The following CCDC6 variants were observed in gnomAD, a reference collection of about 807,000 sequenced individuals.
CCDC6 encodes coiled-coil domain containing 6, also known as coiled-coil domain-containing protein 6.
Under a neutral mutation model 56.6 loss-of-function variants are expected in CCDC6, and 20 were observed. The ratio of observed to expected loss-of-function variants is 0.35; its 90% CI spans 0.25 to 0.51. CCDC6 has a LOEUF of 0.51. Ranked by LOEUF, CCDC6 falls within the 20% of genes least tolerant of loss-of-function variation. The probability of loss-of-function intolerance (pLI) is 0.95; values close to 1 mark genes in which losing one functional copy is unlikely to be tolerated. For synonymous variants in CCDC6, 241 were observed against 234.4 expected (o/e 1.03, Z -0.26); for missense variants, 367 against 601.1 (o/e 0.61, Z 4.07).
chr10:59,807,133 TA>T (rs1020401058), intron 5 of CCDC6, 55 bp from the exon 6 acceptor site: 61 of 1,521,236 alleles, frequency 4.0e-5, no homozygotes, highest in Non-Finnish European at 4.8e-5. Flanking sequence ...TATCCAAATC[TA>T]AAAAAAAGGA....
At chr10:59,892,942 G>T (rs1294533151) in intron 1 of CCDC6, among the ~76,000 whole-genome samples, 1 of 152,152 alleles carries the variant, frequency 6.6e-6, no homozygotes, top group East Asian at 1.9e-4. Context: ...GGAAGGGGGT[G>T]GGGCCGCCCA....
chr10:59,848,157 G>A (rs940050890), intron 2 of CCDC6, among the ~76,000 whole-genome samples: 1 of 152,146 alleles, frequency 6.6e-6, no homozygotes, highest in Non-Finnish European at 1.5e-5. Context: ...ACCCAGAACT[G>A]CCAAGACAGG....
At chr10:59,815,768 T>C (rs776034258) in intron 3 of CCDC6, among the ~76,000 whole-genome samples, 4 of 152,224 alleles carry the variant, frequency 2.6e-5, no homozygotes, top group Non-Finnish European at 5.9e-5. Context: ...CTTTCAATGG[T>C]TGAGTCAACA....
chr10:59,875,567 A>G lies in CCDC6; in HGVS notation c.304-22865T>C, dbSNP rs527641414. 5.3e-5 allele frequency among the ~76,000 whole-genome samples: 8 copies of G among 152,364 alleles called. No individual in the cohort carries two copies. In the South Asian group the frequency reaches 1.4e-3, roughly 28 times the overall value. On this transcript the variant is annotated intron_variant, in intron 1 of 8. Coordinates refer to ENST00000263102, the MANE Select transcript of CCDC6 (RefSeq NM_005436.5). Reference sequence around the variant, plus strand: ...ACCTCAAGCACTAGCAGTTCATCTTAAAGTTGCTGATCTGTTGAAAACTAC... The same window carrying G: ...ACCTCAAGCACTAGCAGTTCATCTTGAAGTTGCTGATCTGTTGAAAACTAC...
At chr10:59,881,893 C>T (rs1178346070) in intron 1 of CCDC6, among the ~76,000 whole-genome samples, 1 of 152,168 alleles carries the variant, frequency 6.6e-6, no homozygotes, top group Non-Finnish European at 1.5e-5. Flanking sequence ...ACACTGAATA[C>T]TTACGAATAC....
intron 3 of CCDC6, among the ~76,000 whole-genome samples, chr10:59,824,581 A>T (rs1173171044): frequency 7.9e-5 from 12 of 152,166 alleles, no homozygotes; most frequent in African/African-American, 2.7e-4. Context: ...TCTCCAATAG[A>T]GCTTATCTAA....
At chr10:59,866,358 A>C (rs2071176945) in intron 1 of CCDC6, among the ~76,000 whole-genome samples, 1 of 152,258 alleles carries the variant, frequency 6.6e-6, no homozygotes, top group Non-Finnish European at 1.5e-5. Flanking sequence ...AAGCATTTTT[A>C]TCTACTACAG....
At chr10:59,835,924 G>A (rs994355083) in intron 2 of CCDC6, among the ~76,000 whole-genome samples, 19 of 151,774 alleles carry the variant, frequency 1.3e-4, no homozygotes, top group Admixed American at 9.9e-4. Flanking sequence ...ACGGTGGTGC[G>A]CGCACCTGTA....
chr10:59,892,309 A>G, intron 1 of CCDC6, among the ~76,000 whole-genome samples: 1 of 152,174 alleles, frequency 6.6e-6, no homozygotes, highest in East Asian at 1.9e-4. Flanking sequence ...ATAGGGAAAA[A>G]AACCAGATCT....
In CCDC6 at chr10:59,859,199, CGTGTGTGTGTGTGTGTGTGTGTGT is replaced by C. The variant is rs66648240; in HGVS notation, c.304-6521_304-6498del. ...CTGGAAAAAAAAATACATGTGTGTG[CGTGTGTGTGTGTGTGTGTGTGTGT>C]GTGTGTGTGTGTGTATGAAGGTAAA... On this transcript the variant is annotated intron_variant, in intron 1 of 8. Transcript: ENST00000263102. Among the ~76,000 whole-genome samples the C allele has an allele frequency of 2.9e-5, 4 of 137,260 alleles. No homozygotes were observed. In the East Asian group the frequency reaches 8.4e-4, roughly 29 times the overall value. The allele number at this position is 137,260 out of a possible 152,430, so 90.0% of individuals were successfully genotyped here.
chr10:59,797,683 T>TTGTGTGTGTGTGTGTGTGTG (rs72280811), intron 7 of CCDC6, among the ~76,000 whole-genome samples: 63 of 140,616 alleles, frequency 4.5e-4, no homozygotes, highest in African/African-American at 1.6e-3. Flanking sequence ...AGTGAGAGTG[T>TTGTGTGTGTGTGTGTGTGTG]TGTGTGTGTG....
At chr10:59,858,041 G>C (rs2071094716) in intron 1 of CCDC6, among the ~76,000 whole-genome samples, 1 of 152,146 alleles carries the variant, frequency 6.6e-6, no homozygotes. Context: ...ATTCTTATAG[G>C]ATTAGCTTGA....
chr10:59,862,974 C>A (rs2132663165), intron 1 of CCDC6, among the ~76,000 whole-genome samples: 1 of 152,074 alleles, frequency 6.6e-6, no homozygotes, highest in East Asian at 1.9e-4. Flanking sequence ...ACTGGAAACA[C>A]CCCGAATACC....
intron 3 of CCDC6, 41 bp from the exon 4 acceptor site, chr10:59,814,796 T>C (rs779390320): frequency 1.6e-6 from 2 of 1,254,032 alleles, no homozygotes; most frequent in South Asian, 2.4e-5. Flanking sequence ...GTCAGGCCAC[T>C]TATACTTTGT....
chr10:59,860,496 G>A (rs1261656969), intron 1 of CCDC6, among the ~76,000 whole-genome samples: 1 of 152,034 alleles, frequency 6.6e-6, no homozygotes, highest in African/African-American at 2.4e-5. Flanking sequence ...AAGGGGCCAG[G>A]GCTAGATTAT....
intron 1 of CCDC6, among the ~76,000 whole-genome samples, chr10:59,868,430 G>A (rs917254562): frequency 9.2e-5 from 14 of 152,080 alleles, no homozygotes; most frequent in African/African-American, 2.7e-4. Flanking sequence ...CCAGCCCGCC[G>A]CCACTAGACC....
chr10:59,852,676 T>C lies in CCDC6; in HGVS notation c.330A>G (p.Glu110=), dbSNP rs1383878663. 6.3e-7 allele frequency: 1 copy of C among 1,594,622 alleles called. No individual in the cohort carries two copies. Among genetic ancestry groups the C allele is most frequent in the East Asian group, 2.3e-5 (1 of 44,090 alleles). ...TCTTGAATAAAGTGTTACTAATGAA[T>C]TCTTCTTCCTGCTCAGCCCTGGCTT... ...TIQARAEQEE[E]FISNTLFKKI... Residue 110 remains glutamate, a synonymous_variant, in exon 2 of 9, where the codon GAA becomes GAG. Coordinates refer to ENST00000263102, the MANE Select transcript of CCDC6 (RefSeq NM_005436.5).
chr10:59,880,051 G>C (rs1359014920), intron 1 of CCDC6, among the ~76,000 whole-genome samples: 1 of 152,026 alleles, frequency 6.6e-6, no homozygotes, highest in Non-Finnish European at 1.5e-5. Flanking sequence ...ACATCTATAA[G>C]AGAAAATGTC....
At chr10:59,894,365 T>C (rs1359876396) in intron 1 of CCDC6, among the ~76,000 whole-genome samples, 1 of 152,186 alleles carries the variant, frequency 6.6e-6, no homozygotes, top group Non-Finnish European at 1.5e-5. Flanking sequence ...GTCCAATCAT[T>C]ACTCAGCCCC....
Sources: allele counts gnomAD v4.1 joint callset (sites outside exome capture counted in the v4.1 genomes callset), GRCh38; gene constraint gnomAD v4.1.1; transcripts MANE v1.5; gene names NCBI Gene and HGNC (gene_info 2026-07-23, HGNC 2026-07-21).